The following C17orf99 variants were observed in gnomAD, a reference collection of about 807,000 sequenced individuals.
C17orf99 encodes the protein protein IL-40.
Under a neutral mutation model 22.6 loss-of-function variants are expected in C17orf99, and 18 were observed. The ratio of observed to expected loss-of-function variants is 0.80; its 90% CI spans 0.55 to 1.18. The LOEUF (loss-of-function observed/expected upper bound fraction) is 1.18, where lower values mean the gene tolerates loss of function less well. Ranked by LOEUF, C17orf99 falls within the 50% of genes most tolerant of loss-of-function variation. The pLI is 0.00. For missense variants in C17orf99, 328 were observed against 342.7 expected, an observed-to-expected ratio of 0.96 and a Z score of 0.34; for synonymous variants, 147 against 136.6, an observed-to-expected ratio of 1.08 and a Z score of -0.53.
At chr17:78,151,101 C>A (rs1284718591) in intron 2 of C17orf99, among the ~76,000 whole-genome samples, 3 of 150,252 alleles carry the variant, frequency 2.0e-5, no homozygotes, top group Non-Finnish European at 4.4e-5. Context: ...GCAGCCTGGG[C>A]GACAGAGTGA....
At chr17:78,154,099 T>C (rs1165585838) in intron 2 of C17orf99, among the ~76,000 whole-genome samples, 2 of 151,728 alleles carry the variant, frequency 1.3e-5, no homozygotes, top group African/African-American at 2.4e-5. Flanking sequence ...CTAATTTGTG[T>C]ATTTTTAATA....
chr17:78,153,918 CTTTTTTTTT>C (rs532705146), intron 2 of C17orf99, among the ~76,000 whole-genome samples: 1 of 79,542 alleles, frequency 1.3e-5, no homozygotes, highest in East Asian at 4.1e-4. Context: ...AGTATTCCTT[CTTTTTTTTT>C]TTTTTTTTTT....
chr17:78,149,804 G>A (rs915383609), intron 2 of C17orf99, among the ~76,000 whole-genome samples: 1 of 151,914 alleles, frequency 6.6e-6, no homozygotes, highest in African/African-American at 2.4e-5. Flanking sequence ...CCACCTCCCA[G>A]GTTCAAGGGA....
chr17:78,161,166 C>T lies in C17orf99; in HGVS notation c.282C>T (p.Asp94=), dbSNP rs893025601. 3.2e-5 allele frequency: 49 copies of T among 1,551,680 alleles called. No individual in the cohort carries two copies. The highest frequency in any genetic ancestry group is 3.9e-5 in the Non-Finnish European group (45 of 1,146,984). The part of the protein sequence containing the change: ...NLNVTLKSSP[D]LLTYFCWASS... Reference sequence around the variant, plus strand: ...ACGTCACACTCAAGTCCAGTCCAGACCTGCTCACCTACTTCTGCTGGGCGT... The same window carrying T: ...ACGTCACACTCAAGTCCAGTCCAGATCTGCTCACCTACTTCTGCTGGGCGT... The change falls in exon 3 of 5, where the codon GAC becomes GAT. Residue 94 remains aspartate (D), a synonymous_variant. Transcript: ENST00000340363.
chr17:78,163,838 C>T (rs1461595376), intron 3 of C17orf99, among the ~76,000 whole-genome samples: 3 of 152,208 alleles, frequency 2.0e-5, no homozygotes, highest in South Asian at 4.1e-4. Flanking sequence ...TGCACTCCAG[C>T]CTGGGCGACA....
At chr17:78,150,718 A>G (rs2075475398) in intron 2 of C17orf99, among the ~76,000 whole-genome samples, 1 of 152,182 alleles carries the variant, frequency 6.6e-6, no homozygotes, top group Admixed American at 6.5e-5. Context: ...AGGGGTAGAC[A>G]GGGCTCTGGG....
At chr17:78,163,039 C>T (rs2075590120) in intron 3 of C17orf99, among the ~76,000 whole-genome samples, 1 of 152,220 alleles carries the variant, frequency 6.6e-6, no homozygotes, top group Non-Finnish European at 1.5e-5. Context: ...CCTACCTAGG[C>T]CTCCTAAAGT....
At position 78,165,918 on chromosome 17, in the gene C17orf99, G is replaced by C. The variant is rs1278774439; in HGVS notation, c.670G>C (p.Gly224Arg). The part of the protein sequence containing the change: ...GGDQKMEDWQ[G>R]PLESPILALP... Reference sequence around the variant, plus strand: ...TGACCAGAAGATGGAGGACTGGCAGGGTCCCCTGGAGAGCCCCATCCTTGC... The same window carrying C: ...TGACCAGAAGATGGAGGACTGGCAGCGTCCCCTGGAGAGCCCCATCCTTGC... The change falls in exon 5 of 5, where the codon GGT becomes CGT. Residue 224 changes from glycine (G) to arginine (R), a missense_variant. By Grantham distance (125) the Gly-to-Arg change is moderately radical. Transcript: ENST00000340363. The C allele has an allele frequency of 2.2e-6, 3 of 1,393,840 alleles. No individual in the cohort carries two copies. The highest frequency in any genetic ancestry group is 1.4e-5 in the African/African-American group (1 of 69,134). 86.3% of individuals were successfully genotyped at this position (1,393,840 alleles called of 1,614,324 possible). A position where few individuals can be genotyped will look rare whatever the true frequency, so the allele number is the denominator to read the frequency against.
At position 78,146,708 on chromosome 17, in the gene C17orf99, G is replaced by A; in HGVS notation, c.38-171G>A. The A allele has an allele frequency of 1.5e-6, 1 of 685,704 alleles. No individual in the cohort carries two copies. The highest frequency in any genetic ancestry group is 2.5e-6 in the Non-Finnish European group (1 of 392,908). The allele number at this position is 685,704 out of a possible 1,614,324, so 42.5% of individuals were successfully genotyped here. A position where few individuals can be genotyped will look rare whatever the true frequency, so the allele number is the denominator to read the frequency against. Reference sequence around the variant, plus strand: ...GCGGATGAGAGGCGATGTTGTGGGGGGAGGGGCGCAAAAGAGCTTTTGTGA... The same window carrying A: ...GCGGATGAGAGGCGATGTTGTGGGGAGAGGGGCGCAAAAGAGCTTTTGTGA... On this transcript the variant is annotated intron_variant, in intron 1 of 4. Transcript: ENST00000340363. The surrounding 1 kb of genome is among the most constrained non-coding windows in gnomAD (Gnocchi z 5.2).
chr17:78,160,428 C>T lies in C17orf99; in HGVS notation c.71-527C>T, dbSNP rs566896591. ...GCACGCGCCTGCAGTCCCAGCTATT[C>T]GGGAGGCTGAAGCAGGAGAATCACT... On this transcript the variant is annotated intron_variant, in intron 2 of 4. Transcript: ENST00000340363. Among the ~76,000 whole-genome samples the T allele has an allele frequency of 1.1e-3, 171 of 151,370 alleles. 2 individuals are homozygous for T. Among genetic ancestry groups the T allele is most frequent in the South Asian group, 3.5e-3 (17 of 4,800 alleles).
At chr17:78,152,055 C>T (rs2075488026) in intron 2 of C17orf99, among the ~76,000 whole-genome samples, 1 of 152,182 alleles carries the variant, frequency 6.6e-6, no homozygotes, top group Non-Finnish European at 1.5e-5. Flanking sequence ...CCGTGCCCAG[C>T]CTGGGCTTGG....
At chr17:78,159,082 TC>T in intron 2 of C17orf99, 1 of 159,316 alleles carries the variant, frequency 6.3e-6, no homozygotes. Context: ...GCAGGCTCTC[TC>T]CCCGACACAT....
intron 2 of C17orf99, among the ~76,000 whole-genome samples, chr17:78,148,321 A>G (rs567655560): frequency 6.6e-6 from 1 of 152,150 alleles, no homozygotes; most frequent in East Asian, 1.9e-4. Flanking sequence ...CTGAGATTAC[A>G]GATATGCACC....
chr17:78,157,320 G>A, intron 2 of C17orf99: 1 of 554,654 alleles, frequency 1.8e-6, no homozygotes, highest in South Asian at 1.7e-5. Context: ...ACTAAGACCT[G>A]TGTTCAGCAG....
At chr17:78,165,160 T>C (rs2145806695) in intron 4 of C17orf99, 2 of 1,006,196 alleles carry the variant, frequency 2.0e-6, no homozygotes, top group Non-Finnish European at 1.2e-6. Context: ...AGTGTCTGAG[T>C]GCAGGCACCA....
chr17:78,150,861 C>T (rs1043774279), intron 2 of C17orf99, among the ~76,000 whole-genome samples: 2 of 152,176 alleles, frequency 1.3e-5, no homozygotes, highest in African/African-American at 4.8e-5. Flanking sequence ...CAGTGGCTCA[C>T]GTCTGTAATC....
chr17:78,160,964 C>T lies in C17orf99; in HGVS notation c.80C>T (p.Pro27Leu). Residue 27 changes from proline (P) to leucine (L), a missense_variant, in exon 3 of 5, where the codon CCT becomes CTT. Coordinates refer to ENST00000340363, the MANE Select transcript of C17orf99 (RefSeq NM_001163075.2). ...FSKAREEEITPVVSIAYKVLE... is the reference protein window; with the variant it reads ...FSKAREEEITLVVSIAYKVLE... ...CCTTTTCATCTCCCAGAAATTACCC[C>T]TGTGGTCTCCATTGCCTACAAAGTC... is the stretch of plus-strand genomic sequence containing the variant. The T allele has an allele frequency of 6.4e-7, 1 of 1,550,616 alleles. No homozygotes were observed. Among genetic ancestry groups the T allele is most frequent in the African/African-American group, 1.4e-5 (1 of 73,156 alleles).
At chr17:78,158,767 G>C (rs1236181842) in intron 2 of C17orf99, 1 of 166,278 alleles carries the variant, frequency 6.0e-6, no homozygotes. Context: ...CGGGGAGAAG[G>C]GGGTGGGTGC....
At chr17:78,163,577 T>A (rs1206550022) in intron 3 of C17orf99, among the ~76,000 whole-genome samples, 2 of 152,144 alleles carry the variant, frequency 1.3e-5, no homozygotes, top group Non-Finnish European at 2.9e-5. Context: ...TACACAAGAA[T>A]AAAACCAGGC....
Sources: allele counts gnomAD v4.1 joint callset (sites outside exome capture counted in the v4.1 genomes callset), GRCh38; gene constraint gnomAD v4.1.1; non-coding constraint Gnocchi (gnomAD v3.1); transcripts MANE v1.5; gene names NCBI Gene and HGNC (gene_info 2026-07-23, HGNC 2026-07-21).